The following PSMD14 variants were observed in gnomAD, a reference collection of about 807,000 sequenced individuals.
PSMD14 encodes the protein proteasome 26S subunit, non-ATPase 14, also known as ubiquitin C-terminal hydrolase PSMD14.
PSMD14 carries 7 observed loss-of-function variants against 41.2 expected under a neutral mutation model. The ratio of observed to expected loss-of-function variants is 0.17; its 90% confidence interval spans 0.10 to 0.32. The LOEUF is 0.32. Ranked by LOEUF, PSMD14 falls within the 10% of genes least tolerant of loss-of-function variation. The pLI is 1.00. For missense variants in PSMD14, 139 were observed against 375.6 expected, an observed-to-expected ratio of 0.37 and a Z score of 5.21; for synonymous variants, 114 against 122.3, an observed-to-expected ratio of 0.93 and a Z score of 0.45.
intron 3 of PSMD14, among the ~76,000 whole-genome samples, chr2:161,331,421 G>A (rs1682789404): frequency 1.3e-5 from 2 of 151,922 alleles, no homozygotes; most frequent in South Asian, 4.2e-4. Context: ...TGCCACCAGG[G>A]CTAATTTTTT....
At chr2:161,381,045 T>G (rs1683564642) in intron 7 of PSMD14, among the ~76,000 whole-genome samples, 1 of 151,994 alleles carries the variant, frequency 6.6e-6, no homozygotes, top group Non-Finnish European at 1.5e-5. Flanking sequence ...AGAGATTTAC[T>G]TTATATAGTG....
At chr2:161,371,142 C>T (rs528251256) in intron 6 of PSMD14, 30 bp from the exon 7 acceptor site, 17 of 1,605,940 alleles carry the variant, frequency 1.1e-5, no homozygotes, top group African/African-American at 9.4e-5. Flanking sequence ...TTGTTCTGTT[C>T]TGAGCATCTG....
chr2:161,310,924 T>C (rs1402558822), intron 1 of PSMD14, among the ~76,000 whole-genome samples: 2 of 152,222 alleles, frequency 1.3e-5, no homozygotes, highest in East Asian at 3.8e-4. Context: ...TCTCAGTGCA[T>C]GCCACTAAAT....
intron 3 of PSMD14, among the ~76,000 whole-genome samples, chr2:161,342,544 G>A (rs1682981356): frequency 6.6e-6 from 1 of 151,450 alleles, no homozygotes; most frequent in African/African-American, 2.4e-5. Context: ...CTACCTATTT[G>A]GATCTTTATT....
chr2:161,363,082 C>G (rs1683311572), intron 3 of PSMD14, among the ~76,000 whole-genome samples: 1 of 152,172 alleles, frequency 6.6e-6, no homozygotes, highest in South Asian at 2.1e-4. Flanking sequence ...TGCCTGAGCT[C>G]CACCTCCTGT....
At chr2:161,327,946 C>CTCTGTGTGTGTGTGTG (rs1553503770) in intron 3 of PSMD14, among the ~76,000 whole-genome samples, 3 of 117,116 alleles carry the variant, frequency 2.6e-5, no homozygotes, top group Non-Finnish European at 5.3e-5. Context: ...CTCATGTAAG[C>CTCTGTGTGTGTGTGTG]TGTGTGTGTG....
At chr2:161,410,201 G>C (rs1684004270) in intron 11 of PSMD14, among the ~76,000 whole-genome samples, 1 of 151,906 alleles carries the variant, frequency 6.6e-6, no homozygotes, top group Non-Finnish European at 1.5e-5. Context: ...TCTCCTGCCA[G>C]TGTTTCTCAG....
intron 3 of PSMD14, among the ~76,000 whole-genome samples, chr2:161,324,862 A>G (rs748339998): frequency 1.3e-5 from 2 of 152,050 alleles, no homozygotes; most frequent in Non-Finnish European, 2.9e-5. Context: ...CCTTGCCATG[A>G]TTTTGCTTTG....
intron 3 of PSMD14, among the ~76,000 whole-genome samples, chr2:161,344,122 T>A (rs1432704539): frequency 1.3e-5 from 1 of 77,990 alleles, no homozygotes; most frequent in Non-Finnish European, 2.6e-5. Context: ...TGCGGGGGGG[T>A]GGGGAGCGGT....
At chr2:161,325,655 G>A (rs1470801119) in intron 3 of PSMD14, among the ~76,000 whole-genome samples, 1 of 152,076 alleles carries the variant, frequency 6.6e-6, no homozygotes, top group Non-Finnish European at 1.5e-5. Context: ...ATGGAAATAG[G>A]CAAACTGACT....
rs188846837 is a variant in PSMD14 at position 161,386,305 on chromosome 2, C to T, written c.570+734C>T. Among the ~76,000 whole-genome samples, 65 of 151,846 alleles carry T rather than the reference C, an allele frequency of 4.3e-4. 1 individual carries two copies. The highest frequency in any genetic ancestry group is 1.3e-3 in the African/African-American group (55 of 41,488). ...CTACTCTAAAGATTAATTAAAAGGA[C>T]AGAAATACCATGTTTGGTTAAGTAG... On this transcript the variant is annotated intron_variant, in intron 8 of 11. Transcript: ENST00000409682.
intron 10 of PSMD14, among the ~76,000 whole-genome samples, chr2:161,395,935 A>T (rs1683787679): frequency 6.6e-6 from 1 of 152,204 alleles, no homozygotes; most frequent in Non-Finnish European, 1.5e-5. Context: ...CAGCTACATT[A>T]GCATCACCTA....
chr2:161,389,486 C>A (rs973130668), intron 8 of PSMD14, among the ~76,000 whole-genome samples: 2 of 152,096 alleles, frequency 1.3e-5, no homozygotes, highest in African/African-American at 4.8e-5. Context: ...AAATTTAATT[C>A]ATTGCTTCTG....
rs1293113776 is a variant in PSMD14 at position 161,367,800 on chromosome 2, G to A, written c.137G>A (p.Arg46His). 1.2e-6 allele frequency: 2 copies of A among 1,613,442 alleles called. No individual in the cohort carries two copies. Among genetic ancestry groups the A allele is most frequent in the Non-Finnish European group, 1.7e-6 (2 of 1,179,570 alleles). ...TTTCTACAGATGTTAAAACATGGCC[G>A]TGCTGGAGTTCCAATGGAAGTTATG... is the stretch of plus-strand genomic sequence containing the variant. ...LALLKMLKHGRAGVPMEVMGL... is the reference protein window; with the variant it reads ...LALLKMLKHGHAGVPMEVMGL... Residue 46 changes from arginine (R) to histidine (H), a missense_variant, in exon 5 of 12, where the codon CGT (arginine) becomes CAT (histidine). Physicochemically the swap from Arg to His is conservative, Grantham distance 29. Around this residue, in one of 4 missense-constraint regions of PSMD14, gnomAD observed 24 missense variants for 55.3 expected, o/e 0.43. Transcript: ENST00000409682.
At chr2:161,385,626 TA>T in intron 8 of PSMD14, 55 bp downstream of exon 8, 2 of 1,064,292 alleles carry the variant, frequency 1.9e-6, no homozygotes, top group Non-Finnish European at 2.8e-6. Flanking sequence ...AAAAGCCTGC[TA>T]TAAGTAGTCT....
intron 10 of PSMD14, among the ~76,000 whole-genome samples, chr2:161,404,045 C>G (rs1323245152): frequency 1.3e-5 from 2 of 151,574 alleles, no homozygotes; most frequent in Non-Finnish European, 2.9e-5. Context: ...AGCTAGGACT[C>G]CAAGCACTCA....
At chr2:161,374,331 T>C (rs1037195976) in intron 7 of PSMD14, among the ~76,000 whole-genome samples, 1 of 152,024 alleles carries the variant, frequency 6.6e-6, no homozygotes, top group Non-Finnish European at 1.5e-5. Flanking sequence ...TTAAAATGTG[T>C]TGTTCAATTA....
chr2:161,358,439 G>A (rs996876235), intron 3 of PSMD14, among the ~76,000 whole-genome samples: 3 of 152,242 alleles, frequency 2.0e-5, no homozygotes, highest in East Asian at 3.9e-4. Context: ...AGACATAAGG[G>A]TAGGGGTAAA....
At chr2:161,365,668 CTTTTA>C (rs1487057796) in intron 3 of PSMD14, among the ~76,000 whole-genome samples, 8 of 152,012 alleles carry the variant, frequency 5.3e-5, no homozygotes. Flanking sequence ...TATTTTTCTA[CTTTTA>C]TTTTAAATTG....
Sources: allele counts gnomAD v4.1 joint callset (sites outside exome capture counted in the v4.1 genomes callset), GRCh38; gene constraint gnomAD v4.1.1; regional missense constraint gnomAD v4.1.1; transcripts MANE v1.5; gene names NCBI Gene and HGNC (gene_info 2026-07-23, HGNC 2026-07-21).